NRG3: variants seen among roughly 807,000 people sequenced by gnomAD.
NRG3 encodes the protein pro-neuregulin-3, membrane-bound isoform.
NRG3 carries 31 observed loss-of-function variants against 66.9 expected under a neutral mutation model. The observed-to-expected ratio is 0.46, with a 90% CI of 0.35 to 0.63. The LOEUF is 0.63. Ranked by LOEUF, NRG3 falls within the 20% of genes least tolerant of loss-of-function variation. The pLI is 0.00. For synonymous variants in NRG3, 393 were observed against 359.4 expected (o/e 1.09, Z -1.06); for missense variants, 910 against 878.9 (o/e 1.04, Z -0.45).
chr10:82,382,659 C>T (rs958320687), intron 2 of NRG3, among the ~76,000 whole-genome samples: 5 of 151,582 alleles, frequency 3.3e-5, no homozygotes, highest in Admixed American at 6.6e-5. Flanking sequence ...CAGTCGAAAC[C>T]GATATTAAAT....
rs1200291590 is a variant in NRG3, at chr10:82,903,305, G to A, written c.1054+37868G>A. 3.3e-5 allele frequency among the ~76,000 whole-genome samples: 5 copies of A among 152,190 alleles called. No homozygotes were observed. The South Asian group carries it at 1.0e-3, about 32-fold the overall frequency. On this transcript the variant is annotated intron_variant, in intron 4 of 8. Coordinates refer to ENST00000372141, the MANE Select transcript of NRG3 (RefSeq NM_001010848.4). Reference sequence around the variant, plus strand: ...TGTGATACTAATCATCTCCATGTAAGCATTTTGCCTCTCCAGTAAATTGTA... The same window carrying A: ...TGTGATACTAATCATCTCCATGTAAACATTTTGCCTCTCCAGTAAATTGTA...
At chr10:81,947,614 T>C (rs1221356605) in intron 1 of NRG3, among the ~76,000 whole-genome samples, 5 of 152,072 alleles carry the variant, frequency 3.3e-5, no homozygotes, top group Non-Finnish European at 7.4e-5. Flanking sequence ...AGAGTAGGCA[T>C]GTTCTATGAG....
intron 2 of NRG3, among the ~76,000 whole-genome samples, chr10:82,619,104 T>G (rs2048863546): frequency 6.6e-6 from 1 of 152,202 alleles, no homozygotes; most frequent in Non-Finnish European, 1.5e-5. Context: ...AAAGTATTAC[T>G]GCCATTTTTT....
chr10:82,438,812 C>T (rs1253453025), intron 2 of NRG3, among the ~76,000 whole-genome samples: 1 of 152,172 alleles, frequency 6.6e-6, no homozygotes, highest in Non-Finnish European at 1.5e-5. Context: ...GGTGGGCCAC[C>T]ACACCACACT....
intron 1 of NRG3, among the ~76,000 whole-genome samples, chr10:82,335,018 A>G (rs1469262309): frequency 6.6e-6 from 1 of 152,182 alleles, no homozygotes; most frequent in Non-Finnish European, 1.5e-5. Flanking sequence ...TACTGCTTAC[A>G]TTTCATCCTC....
chr10:82,934,398 A>G (rs760343792), intron 4 of NRG3, among the ~76,000 whole-genome samples: 6 of 152,188 alleles, frequency 3.9e-5, no homozygotes, highest in Non-Finnish European at 5.9e-5. Context: ...GTATCCTCCA[A>G]TCACCTTGTG....
rs1248571242 is a variant in NRG3 at position 82,986,969 on chromosome 10, T to C, written c.*1364T>C. 1 of 152,142 alleles carries C rather than the reference T, an allele frequency of 6.6e-6. No homozygotes were observed. Among genetic ancestry groups the C allele is most frequent in the Non-Finnish European group, 1.5e-5 (1 of 68,004 alleles). The allele number at this position is 152,142 out of a possible 1,614,324, so 9.4% of individuals were successfully genotyped here. ...CCCCCCAAAAGAACAGTAAATTGTGTTGTATGTTCATTTGGAATAAAGCAA... is the reference window on the plus strand; with the variant it reads ...CCCCCCAAAAGAACAGTAAATTGTGCTGTATGTTCATTTGGAATAAAGCAA... On this transcript the variant is annotated 3_prime_UTR_variant, in exon 9 of 9. Coordinates refer to ENST00000372141, the MANE Select transcript of NRG3 (RefSeq NM_001010848.4).
At chr10:82,325,347 A>G (rs1280216282) in intron 1 of NRG3, among the ~76,000 whole-genome samples, 3 of 151,628 alleles carry the variant, frequency 2.0e-5, no homozygotes, top group African/African-American at 7.3e-5. Context: ...GTGCCTGGCT[A>G]ATTTTTTTGT....
At chr10:82,170,496 C>G (rs1358352790) in intron 1 of NRG3, among the ~76,000 whole-genome samples, 1 of 151,422 alleles carries the variant, frequency 6.6e-6, no homozygotes, top group Non-Finnish European at 1.5e-5. Context: ...CCATGAAAAT[C>G]CATATGGTTC....
intron 6 of NRG3, among the ~76,000 whole-genome samples, chr10:82,966,487 T>C (rs1007715224): frequency 1.3e-5 from 2 of 152,172 alleles, no homozygotes; most frequent in African/African-American, 4.8e-5. Flanking sequence ...CGCTACAATA[T>C]GATTTATTAT....
intron 2 of NRG3, among the ~76,000 whole-genome samples, chr10:82,577,341 T>A (rs1007450172): frequency 1.3e-5 from 2 of 151,744 alleles, no homozygotes; most frequent in African/African-American, 4.8e-5. Flanking sequence ...TGTGTTTCAA[T>A]TGAATTAAAT....
chr10:82,644,577 G>A lies in NRG3; in HGVS notation c.954-94000G>A, dbSNP rs571877948. Among the ~76,000 whole-genome samples, 132 of 152,228 alleles carry A rather than the reference G, an allele frequency of 8.7e-4. 1 individual carries two copies. Among genetic ancestry groups the A allele is most frequent in the Admixed American group, 1.7e-3 (26 of 15,280 alleles). ...GAGACATTACAACCAGTTCAAAGAA[G>A]AATCCAAGGAACAGATGCATTTATA... On this transcript the variant is annotated intron_variant, in intron 2 of 8. Transcript: ENST00000372141.
chr10:82,919,297 C>T (rs533000147), intron 4 of NRG3, among the ~76,000 whole-genome samples: 11 of 152,212 alleles, frequency 7.2e-5, no homozygotes, highest in South Asian at 2.1e-4. Context: ...TGGCAATTGA[C>T]GGAGATATGC....
chr10:82,461,638 G>A (rs973042894), intron 2 of NRG3, among the ~76,000 whole-genome samples: 13 of 152,006 alleles, frequency 8.6e-5, no homozygotes, highest in South Asian at 8.3e-4. Context: ...ATTTATCTAC[G>A]CACCCCATTA....
intron 1 of NRG3, among the ~76,000 whole-genome samples, chr10:81,972,759 CAAT>C (rs2059977861): frequency 6.6e-6 from 1 of 151,592 alleles, no homozygotes; most frequent in Admixed American, 6.6e-5. Flanking sequence ...AAAAATGAAT[CAAT>C]AACGGTTGAT....
intron 4 of NRG3, among the ~76,000 whole-genome samples, chr10:82,909,743 A>G (rs1319956373): frequency 6.6e-6 from 1 of 152,210 alleles, no homozygotes; most frequent in Non-Finnish European, 1.5e-5. Context: ...ATATTTGTTG[A>G]AAATGTCAAA....
At chr10:82,323,504 T>TTTG (rs2081693590) in intron 1 of NRG3, among the ~76,000 whole-genome samples, 1 of 151,692 alleles carries the variant, frequency 6.6e-6, no homozygotes, top group Admixed American at 6.6e-5. Flanking sequence ...TTTTTTTTTT[T>TTTG]GGATTAAGTT....
chr10:82,044,436 T>C (rs1159680460), intron 1 of NRG3, among the ~76,000 whole-genome samples: 1 of 151,848 alleles, frequency 6.6e-6, no homozygotes. Flanking sequence ...ATCTAAGGGA[T>C]GTGAGAGAAA....
At chr10:82,474,078 CT>C (rs1465039311) in intron 2 of NRG3, among the ~76,000 whole-genome samples, 1 of 151,958 alleles carries the variant, frequency 6.6e-6, no homozygotes, top group Admixed American at 6.6e-5. Flanking sequence ...TAAGAGAGGA[CT>C]TTAAGGCTTT....
Sources: gnomAD v4.1 joint callset for allele counts (sites outside exome capture counted in the v4.1 genomes callset) on GRCh38, gnomAD v4.1.1 for gene constraint, MANE v1.5 for transcripts, NCBI Gene and HGNC (gene_info 2026-07-23, HGNC 2026-07-21) for gene names.